The following EGR2 variants were observed in gnomAD, a reference collection of about 807,000 sequenced individuals.
The protein encoded by EGR2 is E3 SUMO-protein ligase EGR2.
In EGR2, 2 loss-of-function variants were observed where a neutral mutation model predicts 21.2. The observed-to-expected ratio is 0.09, with a 90% CI of 0.04 to 0.30. The LOEUF is 0.30. Among genes scored for constraint, EGR2 ranks in the 10% least tolerant of loss-of-function variants. EGR2 has a pLI of 1.00. For synonymous variants in EGR2, 282 were observed against 258.2 expected (o/e 1.09, Z -0.88); for missense variants, 458 against 630.2 (o/e 0.73, Z 2.93).
At chr10:62,817,157 C>T (rs568608284), upstream of EGR2, among the ~76,000 whole-genome samples, 6 of 152,246 alleles carry the variant, frequency 3.9e-5, no homozygotes, top group Admixed American at 3.9e-4. The surrounding 1 kb of genome is among the most constrained non-coding windows in gnomAD (Gnocchi z 4.4). Context: ...CCGGAGACAC[C>T]CTCCTTCCTC....
Position 62,812,937 on chromosome 10 carries a change from C to T in EGR2, c.*270G>A, listed in dbSNP as rs914396235. On this transcript the variant is annotated 3_prime_UTR_variant, in exon 2 of 2. Coordinates refer to ENST00000242480, the MANE Select transcript of EGR2 (RefSeq NM_000399.5). ...TTTAAAGCAGGGTCAGACCTCAGCC[C>T]TCTTGGCCAGGGGTCCCCACACCAC... The T allele has an allele frequency of 5.3e-6, 2 of 378,614 alleles. No homozygotes were observed. Among genetic ancestry groups the T allele is most frequent in the Admixed American group, 4.1e-5 (1 of 24,414 alleles). The allele number at this position is 378,614 out of a possible 1,614,324, so 23.5% of individuals were successfully genotyped here. A position where few individuals can be genotyped will look rare whatever the true frequency, so the allele number is the denominator to read the frequency against.
upstream of EGR2, chr10:62,818,737 G>C: frequency 3.9e-6 from 2 of 518,598 alleles, no homozygotes; most frequent in Non-Finnish European, 5.3e-6. Flanking sequence ...GGCCCCTTAG[G>C]TGAGGCACCC....
In EGR2 at chr10:62,813,861, G is replaced by C. The variant is rs750955966; in HGVS notation, c.777C>G (p.Pro259=). ...FPCPLDTLRV[P]PPLTPLSTIR... The stretch of plus-strand genomic sequence containing the variant: ...TTGTAGAGAGTGGAGTGAGTGGAGG[G>C]GGCACCCGCAGGGTGTCCAGTGGGC... Residue 259 remains proline, a synonymous_variant, in exon 2 of 2, where the codon CCC becomes CCG. Transcript: ENST00000242480. The surrounding 1 kb of genome is among the most constrained non-coding windows in gnomAD (Gnocchi z 5.7). The C allele has an allele frequency of 1.2e-5, 20 of 1,614,060 alleles. No individual in the cohort carries two copies. Among genetic ancestry groups the C allele is most frequent in the Admixed American group, 1.7e-5 (1 of 60,006 alleles).
In EGR2 at chr10:62,814,699, A is replaced by T. The variant is rs1842217025; in HGVS notation, c.170-231T>A. ...ACTCAAGAACTACCTCCAAAAAAGC[A>T]GAATGAGCTTTTCCCAACTCCCCTC... On this transcript the variant is annotated intron_variant, in intron 1 of 1. Transcript: ENST00000242480. This position sits in a 1 kb window ranked among gnomAD's most constrained non-coding sequence, Gnocchi z 4.8. Among the ~76,000 whole-genome samples the T allele has an allele frequency of 6.6e-6, 1 of 152,214 alleles. No homozygotes were observed. The highest frequency in any genetic ancestry group is 2.4e-5 in the African/African-American group (1 of 41,442).
At chr10:62,818,319 G>T (rs1421744195), upstream of EGR2, among the ~76,000 whole-genome samples, 1 of 152,232 alleles carries the variant, frequency 6.6e-6, no homozygotes, top group Non-Finnish European at 1.5e-5. Flanking sequence ...GTATCCAGCG[G>T]CCGGCCATCT....
upstream of EGR2, among the ~76,000 whole-genome samples, chr10:62,816,520 CG>C (rs1842274625): frequency 6.6e-6 from 1 of 152,212 alleles, no homozygotes; most frequent in African/African-American, 2.4e-5. Flanking sequence ...CGGACTCCGC[CG>C]GGCTCGCGAC....
chr10:62,812,116 A>G lies in EGR2; in HGVS notation c.*1091T>C, dbSNP rs1446500289. ...ACAACTATTAAGAGCTAATGACCAA[A>G]CAAATCAGCTCCGGTAACATTATGT... On this transcript the variant is annotated 3_prime_UTR_variant, in exon 2 of 2. Coordinates refer to ENST00000242480, the MANE Select transcript of EGR2 (RefSeq NM_000399.5). 1 of 152,816 alleles carries G rather than the reference A, an allele frequency of 6.5e-6. No homozygotes were observed. The highest frequency in any genetic ancestry group is 2.4e-5 in the African/African-American group (1 of 41,460). The allele number at this position is 152,816 out of a possible 1,614,324, so 9.5% of individuals were successfully genotyped here.
chr10:62,814,104 T>G lies in EGR2; in HGVS notation c.534A>C (p.Ala178=). 6.2e-7 allele frequency: 1 copy of G among 1,613,844 alleles called. No homozygotes were observed. The highest frequency in any genetic ancestry group is 8.5e-7 in the Non-Finnish European group (1 of 1,179,838). The change falls in exon 2 of 2, where the codon GCA becomes GCC. Residue 178 remains alanine, a synonymous_variant. Coordinates refer to ENST00000242480, the MANE Select transcript of EGR2 (RefSeq NM_000399.5). The surrounding 1 kb of genome is among the most constrained non-coding windows in gnomAD (Gnocchi z 4.8). ...CAGAAGGGTCCTGGTAGAGGTCTCC[T>G]GCACAGCCAGAATAAGGAGGAGGAG... ...PPPPPPYSGC[A]GDLYQDPSAF...
chr10:62,816,397 G>C (rs1163228747), upstream of EGR2: 1 of 1,192,080 alleles, frequency 8.4e-7, no homozygotes, highest in African/African-American at 1.6e-5. Context: ...AGTATTTATG[G>C]GCAGGTCTTC....
Position 62,813,655 on chromosome 10 carries a change from T to C in EGR2, c.983A>G (p.Asn328Ser), listed in dbSNP as rs779229640. 1.1e-5 allele frequency: 18 copies of C among 1,613,174 alleles called. No individual in the cohort carries two copies. The highest frequency in any genetic ancestry group is 1.4e-5 in the Non-Finnish European group (17 of 1,180,016). ...RPILRPRKYP[N>S]RPSKTPVHER... ...GTGCACCGGCGTCTTGCTGGGTCTG[T>C]TGGGGTACTTGCGAGGCCTCAGAAT... is the stretch of plus-strand genomic sequence containing the variant. Residue 328 changes from asparagine (N) to serine (S), a missense_variant, in exon 2 of 2, where the codon AAC becomes AGC. By Grantham distance (46) the Asn-to-Ser change is conservative. Transcript: ENST00000242480. This position sits in a 1 kb window ranked among gnomAD's most constrained non-coding sequence, Gnocchi z 5.7.
In EGR2 at chr10:62,813,123, G is replaced by C; in HGVS notation, c.*84C>G. 3 of 1,406,018 alleles carry C rather than the reference G, an allele frequency of 2.1e-6. No individual in the cohort carries two copies. The highest frequency in any genetic ancestry group is 2.9e-6 in the Non-Finnish European group (3 of 1,047,490). 87.1% of individuals were successfully genotyped at this position (1,406,018 alleles called of 1,614,324 possible). A position where few individuals can be genotyped will look rare whatever the true frequency, so the allele number is the denominator to read the frequency against. ...AACAAAGGGAGAGAGGGACAGGAAA[G>C]GGTGGTAGTGTTTGTTGTGCAGCTC... On this transcript the variant is annotated 3_prime_UTR_variant, in exon 2 of 2. Transcript: ENST00000242480. The surrounding 1 kb of genome is among the most constrained non-coding windows in gnomAD (Gnocchi z 5.7).
At chr10:62,815,829 C>T (rs1178476142) in intron 1 of EGR2, 32 bp downstream of exon 1, 2 of 1,613,212 alleles carry the variant, frequency 1.2e-6, no homozygotes, top group Non-Finnish European at 1.7e-6. Context: ...CCGGGCCGCG[C>T]AGGTCCGGGC....
chr10:62,818,745 C>T (rs1008911743), upstream of EGR2: 7 of 429,794 alleles, frequency 1.6e-5, no homozygotes, highest in Admixed American at 1.2e-4. Flanking sequence ...AGGTGAGGCA[C>T]CCACCGGCAG....
At chr10:62,817,689 A>G (rs936295011), upstream of EGR2, among the ~76,000 whole-genome samples, 1 of 152,162 alleles carries the variant, frequency 6.6e-6, no homozygotes, top group African/African-American at 2.4e-5. The surrounding 1 kb of genome is among the most constrained non-coding windows in gnomAD (Gnocchi z 4.4). Context: ...AATCACTTTC[A>G]AGACGCCATC....
upstream of EGR2, among the ~76,000 whole-genome samples, chr10:62,818,919 G>A (rs1010286230): frequency 6.6e-6 from 1 of 152,190 alleles, no homozygotes; most frequent in Non-Finnish European, 1.5e-5. Context: ...ACGCCCGAGT[G>A]CCCGGCCAGC....
rs1407892412 is a variant in EGR2 at position 62,816,262 on chromosome 10, T to C, written c.-233A>G. On this transcript the variant is annotated 5_prime_UTR_variant, in exon 1 of 2. Transcript: ENST00000242480. ...TCTATTTGCCACTGACTCTCTCCTG[T>C]CTGTGTTCCGGCTGCTGGGAAGCCA... The C allele has an allele frequency of 5.8e-6, 8 of 1,388,980 alleles. No individual in the cohort carries two copies. In the East Asian group the frequency reaches 2.0e-4, roughly 35 times the overall value. 86.0% of individuals were successfully genotyped at this position (1,388,980 alleles called of 1,614,324 possible).
In EGR2 at chr10:62,812,535, A is replaced by G. The variant is rs1288534711; in HGVS notation, c.*672T>C. On this transcript the variant is annotated 3_prime_UTR_variant, in exon 2 of 2. Transcript: ENST00000242480. The stretch of plus-strand genomic sequence containing the variant: ...TGGATATACACTGAAAAAATAGCCT[A>G]CATTTCTCAAACAACTCGAAAAGGA... 6 of 152,828 alleles carry G rather than the reference A, an allele frequency of 3.9e-5. No individual in the cohort carries two copies. The highest frequency in any genetic ancestry group is 1.4e-4 in the African/African-American group (6 of 41,466). The allele number at this position is 152,828 out of a possible 1,614,324, so 9.5% of individuals were successfully genotyped here.
chr10:62,818,687 T>A (rs371873382), upstream of EGR2: 2,820 of 1,098,874 alleles, frequency 2.6e-3, 25 homozygotes, highest in Middle Eastern at 0.022. Flanking sequence ...ATTATGCAAA[T>A]GCGGATCCCT....
chr10:62,818,643 G>A, upstream of EGR2: 1 of 1,262,132 alleles, frequency 7.9e-7, no homozygotes, highest in Non-Finnish European at 1.0e-6. Flanking sequence ...CTCGCATCTC[G>A]GGCCCTGAGT....
Sources: gnomAD v4.1 joint callset for allele counts (sites outside exome capture counted in the v4.1 genomes callset) on GRCh38, gnomAD v4.1.1 for gene constraint, Gnocchi (gnomAD v3.1) non-coding constraint, MANE v1.5 for transcripts, NCBI Gene and HGNC (gene_info 2026-07-23, HGNC 2026-07-21) for gene names.